The following JAZF1 variants were observed in gnomAD, a reference collection of about 807,000 sequenced individuals.
JAZF1 encodes the protein juxtaposed with another zinc finger protein 1.
Under a neutral mutation model 26.4 loss-of-function variants are expected in JAZF1, and 8 were observed. That is an observed-to-expected ratio of 0.30 (90% CI 0.18 to 0.55). The LOEUF (loss-of-function observed/expected upper bound fraction) is 0.55. Ranked by LOEUF, JAZF1 falls within the 20% of genes least tolerant of loss-of-function variation. The pLI is 0.94. For synonymous variants in JAZF1, 126 were observed against 122.3 expected, an observed-to-expected ratio of 1.03 and a Z score of -0.20; for missense variants, 199 against 322.0, an observed-to-expected ratio of 0.62 and a Z score of 2.92.
At chr7:27,984,085 A>G in intron 2 of JAZF1, among the ~76,000 whole-genome samples, 1 of 152,260 alleles carries the variant, frequency 6.6e-6, no homozygotes, top group East Asian at 1.9e-4. Context: ...GACAGGATCA[A>G]ATTCACACAT....
At chr7:27,909,227 T>C (rs150827004) in intron 2 of JAZF1, among the ~76,000 whole-genome samples, 1,573 of 152,002 alleles carry the variant, frequency 0.01, 104 homozygotes, top group African/African-American at 0.036. Flanking sequence ...ACTTTCTTTT[T>C]TTAATTGAAG....
intron 1 of JAZF1, among the ~76,000 whole-genome samples, chr7:28,051,411 G>A (rs1313623144): frequency 6.6e-6 from 1 of 151,624 alleles, no homozygotes; most frequent in Admixed American, 6.6e-5. Flanking sequence ...TAGTAGTGAT[G>A]GGGTTTCACC....
At chr7:27,839,263 C>G (rs780294398) in intron 4 of JAZF1, among the ~76,000 whole-genome samples, 48 of 152,300 alleles carry the variant, frequency 3.2e-4, no homozygotes, top group Non-Finnish European at 5.1e-4. Flanking sequence ...CGGCCTGGTG[C>G]TTGGCCCTGG....
At chr7:28,044,671 C>A (rs1025057316) in intron 1 of JAZF1, among the ~76,000 whole-genome samples, 1 of 152,126 alleles carries the variant, frequency 6.6e-6, no homozygotes, top group African/African-American at 2.4e-5. Flanking sequence ...TTAAAAATGA[C>A]CTTTCTGATT....
At chr7:28,120,501 C>CTT (rs58448766) in intron 1 of JAZF1, among the ~76,000 whole-genome samples, 1,686 of 58,930 alleles carry the variant, frequency 0.029, 416 homozygotes, top group African/African-American at 0.095. Flanking sequence ...ACACACAGTT[C>CTT]TTTTTTTTTT....
At chr7:27,923,649 C>T (rs1219396447) in intron 2 of JAZF1, among the ~76,000 whole-genome samples, 3 of 152,208 alleles carry the variant, frequency 2.0e-5, no homozygotes, top group African/African-American at 7.2e-5. Context: ...CTCCATTCCC[C>T]CTGCAGCCCC....
At chr7:28,110,945 T>C (rs1784651942) in intron 1 of JAZF1, among the ~76,000 whole-genome samples, 1 of 152,180 alleles carries the variant, frequency 6.6e-6, no homozygotes, top group Non-Finnish European at 1.5e-5. Context: ...AAACTACCAC[T>C]GGTAATACAT....
At chr7:27,983,987 T>C (rs755566261) in intron 2 of JAZF1, among the ~76,000 whole-genome samples, 2 of 152,196 alleles carry the variant, frequency 1.3e-5, no homozygotes, top group Non-Finnish European at 2.9e-5. Flanking sequence ...TACCAGCCAC[T>C]GCAAAAACAT....
intron 1 of JAZF1, among the ~76,000 whole-genome samples, chr7:27,996,227 T>G (rs12671110): frequency 0.22 from 33,603 of 152,110 alleles, 4,226 homozygotes; most frequent in East Asian, 0.51. Context: ...TTACTTATAA[T>G]GTAAGAAAGT....
At chr7:28,103,184 C>T (rs1310911761) in intron 1 of JAZF1, among the ~76,000 whole-genome samples, 4 of 152,144 alleles carry the variant, frequency 2.6e-5, no homozygotes, top group Admixed American at 6.5e-5. Flanking sequence ...TACTGGTTCC[C>T]GGATCTCATC....
At chr7:28,156,802 G>A (rs1159531822) in intron 1 of JAZF1, among the ~76,000 whole-genome samples, 2 of 152,124 alleles carry the variant, frequency 1.3e-5, no homozygotes, top group African/African-American at 4.8e-5. Context: ...ACGTCACCAA[G>A]AAATTTAAAT....
intron 1 of JAZF1, among the ~76,000 whole-genome samples, chr7:28,092,256 C>T (rs11971215): frequency 1.2e-5 from 1 of 81,978 alleles, no homozygotes; most frequent in Non-Finnish European, 2.2e-5. Context: ...CAGCAATAAT[C>T]TAAACTCTAA....
intron 2 of JAZF1, among the ~76,000 whole-genome samples, chr7:27,939,675 G>A (rs2128352007): frequency 6.6e-6 from 1 of 152,306 alleles, no homozygotes; most frequent in South Asian, 2.1e-4. Context: ...GACCCTGTAT[G>A]TAAGGCCACA....
At chr7:28,003,519 T>C (rs1782642268) in intron 1 of JAZF1, among the ~76,000 whole-genome samples, 1 of 152,220 alleles carries the variant, frequency 6.6e-6, no homozygotes, top group African/African-American at 2.4e-5. Flanking sequence ...TGTCAGGATC[T>C]TTTCAGGCAG....
chr7:27,876,022 C>T (rs748325164), intron 3 of JAZF1, among the ~76,000 whole-genome samples: 1 of 152,208 alleles, frequency 6.6e-6, no homozygotes, highest in Non-Finnish European at 1.5e-5. Context: ...ACCAAAACTT[C>T]CTAGCAGTGT....
intron 1 of JAZF1, among the ~76,000 whole-genome samples, chr7:28,092,297 A>C (rs1462156830): frequency 3.6e-5 from 4 of 109,778 alleles, no homozygotes; most frequent in African/African-American, 9.4e-5. Flanking sequence ...AGGCAAAAAA[A>C]AAAAAAAAAA....
intron 2 of JAZF1, among the ~76,000 whole-genome samples, chr7:27,944,016 G>A (rs554219811): frequency 3.3e-5 from 5 of 152,244 alleles, no homozygotes; most frequent in Admixed American, 6.5e-5. Context: ...CCTCCTTGGC[G>A]TGTCCTTCAA....
intron 1 of JAZF1, among the ~76,000 whole-genome samples, chr7:28,094,422 G>A (rs1002476379): frequency 2.6e-5 from 4 of 152,156 alleles, no homozygotes; most frequent in African/African-American, 7.2e-5. Context: ...CCCCGGCACC[G>A]AGTCTCCAGG....
intron 1 of JAZF1, among the ~76,000 whole-genome samples, chr7:28,152,136 T>C (rs942850493): frequency 5.3e-5 from 8 of 152,178 alleles, no homozygotes; most frequent in Non-Finnish European, 7.3e-5. Context: ...TGTTGATGAA[T>C]CAGAAGTTCT....
Sources: allele counts gnomAD v4.1 joint callset (sites outside exome capture counted in the v4.1 genomes callset), GRCh38; gene constraint gnomAD v4.1.1; transcripts MANE v1.5; gene names NCBI Gene and HGNC (gene_info 2026-07-23, HGNC 2026-07-21).